ZNF33A: variants seen among roughly 807,000 people sequenced by gnomAD.
The protein encoded by ZNF33A is zinc finger protein 33A.
Under a neutral mutation model 15.9 loss-of-function variants are expected in ZNF33A, and 9 were observed. That is an observed-to-expected ratio of 0.57 (90% confidence interval 0.34 to 0.99). The LOEUF (loss-of-function observed/expected upper bound fraction) is 0.99. Ranked by LOEUF, ZNF33A falls within the 50% of genes least tolerant of loss-of-function variation. The pLI is 0.02. For synonymous variants in ZNF33A, 294 were observed against 324.2 expected, an observed-to-expected ratio of 0.91 and a Z score of 1.00; for missense variants, 843 against 941.6, an observed-to-expected ratio of 0.90 and a Z score of 1.37.
At chr10:38,063,231 A>G (rs1190412284), downstream of ZNF33A, among the ~76,000 whole-genome samples, 1 of 152,142 alleles carries the variant, frequency 6.6e-6, no homozygotes, top group Non-Finnish European at 1.5e-5. Context: ...GAGATAGCAC[A>G]AATGAATGAA....
chr10:38,012,461 TCA>T (rs1371972300), intron 2 of ZNF33A, 111 bp downstream of exon 2: 144 of 1,241,826 alleles, frequency 1.2e-4, no homozygotes, highest in Non-Finnish European at 1.5e-4. Flanking sequence ...AGACGGAGTC[TCA>T]CTCTGTCACC....
chr10:38,065,090 T>G (rs1463265823), downstream of ZNF33A: 4 of 152,636 alleles, frequency 2.6e-5, no homozygotes, highest in East Asian at 7.7e-4. Flanking sequence ...TTGTTTGTTT[T>G]GAGATCATCT....
At chr10:38,035,204 G>A (rs1426461828) in intron 4 of ZNF33A, among the ~76,000 whole-genome samples, 25 of 125,062 alleles carry the variant, frequency 2.0e-4, no homozygotes, top group African/African-American at 5.5e-4. Flanking sequence ...GGCAACCTCC[G>A]CCTCCTGGGT....
At position 38,055,180 on chromosome 10, in the gene ZNF33A, A is replaced by G. The variant is rs1315178647; in HGVS notation, c.1056A>G (p.Thr352=). Residue 352 remains threonine, a synonymous_variant, in exon 5 of 5, where the codon ACA becomes ACG. Transcript: ENST00000432900. ...SHLTRHQRVH[T]GQKPFQCNEC... is the part of the protein sequence containing the mutation. Reference sequence around the variant, plus strand: ...TCACTCGACATCAGAGGGTGCACACAGGACAGAAACCCTTTCAATGTAATG... The same window carrying G: ...TCACTCGACATCAGAGGGTGCACACGGGACAGAAACCCTTTCAATGTAATG... The G allele has an allele frequency of 1.2e-5, 20 of 1,614,030 alleles. No homozygotes were observed. The highest frequency in any genetic ancestry group is 4.0e-5 in the African/African-American group (3 of 74,936).
chr10:38,048,360 T>C (rs796342391), intron 4 of ZNF33A, among the ~76,000 whole-genome samples: 10 of 152,296 alleles, frequency 6.6e-5, no homozygotes, highest in African/African-American at 2.4e-4. Context: ...AAAAAGGCTG[T>C]GAAAAAGAAG....
intron 4 of ZNF33A, among the ~76,000 whole-genome samples, chr10:38,022,649 C>T (rs1176565486): frequency 8.7e-6 from 1 of 114,596 alleles, no homozygotes; most frequent in Non-Finnish European, 1.7e-5. Flanking sequence ...CAGAGCAAAA[C>T]TCTGTCTCAA....
downstream of ZNF33A, among the ~76,000 whole-genome samples, chr10:38,067,592 A>C (rs1166856590): frequency 6.6e-6 from 1 of 152,216 alleles, no homozygotes; most frequent in Non-Finnish European, 1.5e-5. Context: ...ACCGGGTTCA[A>C]GGTGTTGAGT....
rs1293268219 is a variant in ZNF33A, at chr10:38,059,083, T to A, written c.*2523T>A. The A allele has an allele frequency of 6.6e-6, 1 of 152,210 alleles. No homozygotes were observed. The highest frequency in any genetic ancestry group is 1.5e-5 in the Non-Finnish European group (1 of 68,032). The allele number at this position is 152,210 out of a possible 1,614,324, so 9.4% of individuals were successfully genotyped here. ...AACATTTGATATTCAGTGTAATCCA[T>A]TGCATGCATTAGCAGCTCAAAGATG... On this transcript the variant is annotated 3_prime_UTR_variant, in exon 5 of 5. Coordinates refer to ENST00000432900, the MANE Select transcript of ZNF33A (RefSeq NM_006954.2).
At chr10:38,040,409 A>G (rs543298004) in intron 4 of ZNF33A, among the ~76,000 whole-genome samples, 1 of 152,288 alleles carries the variant, frequency 6.6e-6, no homozygotes, top group Admixed American at 6.5e-5. Context: ...AGTTTGCAAT[A>G]AGTATTGTAG....
intron 4 of ZNF33A, among the ~76,000 whole-genome samples, chr10:38,035,290 G>A (rs2065398508): frequency 6.6e-6 from 1 of 151,524 alleles, no homozygotes; most frequent in Admixed American, 6.6e-5. Context: ...GCCAATTTTT[G>A]TGTTTTTAGA....
At chr10:38,032,703 A>C (rs959354304) in intron 4 of ZNF33A, among the ~76,000 whole-genome samples, 2 of 151,780 alleles carry the variant, frequency 1.3e-5, no homozygotes, top group Non-Finnish European at 2.9e-5. Flanking sequence ...CTGGCACCTC[A>C]GCCTCCCAAA....
chr10:38,058,071 C>T lies in ZNF33A; in HGVS notation c.*1511C>T. 3 of 974,636 alleles carry T rather than the reference C, an allele frequency of 3.1e-6. No individual in the cohort carries two copies. The highest frequency in any genetic ancestry group is 3.7e-6 in the Non-Finnish European group (3 of 820,244). 60.4% of individuals were successfully genotyped at this position (974,636 alleles called of 1,614,324 possible). On this transcript the variant is annotated 3_prime_UTR_variant, in exon 5 of 5. Transcript: ENST00000432900. ...TACAGTCTAGTGATCCTAGATTACA[C>T]AAGTAATCTAAGCTTCCACTTTAGG...
intron 4 of ZNF33A, among the ~76,000 whole-genome samples, chr10:38,022,489 T>C (rs1164116376): frequency 2.0e-5 from 3 of 152,028 alleles, no homozygotes; most frequent in Non-Finnish European, 4.4e-5. Flanking sequence ...AAACTCCGTC[T>C]CTACTAAAAA....
chr10:38,060,328 AG>A (rs2066640659), downstream of ZNF33A, among the ~76,000 whole-genome samples: 1 of 152,192 alleles, frequency 6.6e-6, no homozygotes, highest in African/African-American at 2.4e-5. Flanking sequence ...CCTCCTTGTC[AG>A]GGGGGCCAGG....
At chr10:38,060,624 A>G (rs776055106), downstream of ZNF33A, among the ~76,000 whole-genome samples, 9 of 152,134 alleles carry the variant, frequency 5.9e-5, no homozygotes, top group Non-Finnish European at 1.3e-4. Context: ...CAACCTTTCT[A>G]TAGCATTGGG....
At chr10:38,051,971 ACTTT>A (rs1392148487) in intron 4 of ZNF33A, among the ~76,000 whole-genome samples, 10 of 152,142 alleles carry the variant, frequency 6.6e-5, no homozygotes, top group Non-Finnish European at 1.0e-4. Flanking sequence ...ATAGAAGATA[ACTTT>A]CTTTAATCTG....
intron 4 of ZNF33A, among the ~76,000 whole-genome samples, chr10:38,051,478 G>A (rs1299263111): frequency 6.6e-6 from 1 of 151,936 alleles, no homozygotes; most frequent in Non-Finnish European, 1.5e-5. Flanking sequence ...CATTTGCCAA[G>A]AATACATGTT....
chr10:38,030,786 G>C (rs1297330838), intron 4 of ZNF33A, among the ~76,000 whole-genome samples: 1 of 152,094 alleles, frequency 6.6e-6, no homozygotes, highest in Non-Finnish European at 1.5e-5. Flanking sequence ...GACCACCTAG[G>C]CTTTATTATT....
chr10:38,020,256 G>A (rs1179673758), intron 4 of ZNF33A, among the ~76,000 whole-genome samples: 4 of 152,008 alleles, frequency 2.6e-5, no homozygotes, highest in Admixed American at 2.6e-4. Flanking sequence ...TACATAGTAG[G>A]TATATATATT....
Sources: gnomAD v4.1 joint callset for allele counts (sites outside exome capture counted in the v4.1 genomes callset) on GRCh38, gnomAD v4.1.1 for gene constraint, MANE v1.5 for transcripts, NCBI Gene and HGNC (gene_info 2026-07-23, HGNC 2026-07-21) for gene names.